SMIM23: variants seen among roughly 807,000 people sequenced by gnomAD.
SMIM23 encodes CTB-78H18.1.
Under a neutral mutation model 12.8 loss-of-function variants are expected in SMIM23, and 10 were observed. The ratio of observed to expected loss-of-function variants is 0.78; its 90% CI spans 0.48 to 1.32. The LOEUF (loss-of-function observed/expected upper bound fraction) is 1.32. Among genes scored for constraint, SMIM23 ranks in the 40% most tolerant of loss-of-function variants. SMIM23 has a pLI of 0.00. For synonymous variants in SMIM23, 78 were observed against 80.1 expected (o/e 0.97, Z 0.14); for missense variants, 184 against 198.2 (o/e 0.93, Z 0.43).
the SMIM23 span, chr5:171,773,914 G>A: frequency 2.2e-6 from 1 of 450,218 alleles, no homozygotes; most frequent in Admixed American, 2.4e-5. Flanking sequence ...CCCTGTGGTT[G>A]GAGGACTACA....
the SMIM23 span, among the ~76,000 whole-genome samples, chr5:171,776,162 T>C: frequency 6.6e-6 from 1 of 151,762 alleles, no homozygotes; most frequent in South Asian, 2.1e-4. Flanking sequence ...TGAGCCACCG[T>C]GCCTGGCCTA....
rs1286142723 is a variant in SMIM23 at position 171,791,030 on chromosome 5, G to A, written c.461G>A (p.Arg154Lys). The A allele has an allele frequency of 6.5e-7, 1 of 1,533,636 alleles. No homozygotes were observed. The highest frequency in any genetic ancestry group is 8.7e-7 in the Non-Finnish European group (1 of 1,146,206). The change falls in exon 4 of 4, where the codon AGA becomes AAA. Residue 154 changes from arginine to lysine, a missense_variant. By Grantham distance (26) the Arg-to-Lys change is conservative. Transcript: ENST00000523047. ...TGGGAGTGGGCCTGGGCCCTGGGGA[G>A]AGAGCACAAAGGTGGGGAGGGGTTG... is the stretch of plus-strand genomic sequence containing the variant. ...HLWEWAWALG[R>K]EHKGGEGLLE...
the SMIM23 span, among the ~76,000 whole-genome samples, chr5:171,776,811 A>C: frequency 6.6e-6 from 1 of 152,116 alleles, no homozygotes; most frequent in Non-Finnish European, 1.5e-5. Flanking sequence ...CCTCCAACCC[A>C]AGACCCAATT....
In SMIM23 at chr5:171,786,318, C is replaced by T. The variant is rs555895083; in HGVS notation, c.105+342C>T. ...GATAATACTCCTGAATTGGAGCGCT[C>T]CTGGAGGATTCATTCTCAGGGCTGA... On this transcript the variant is annotated intron_variant, in intron 1 of 3. Coordinates refer to ENST00000523047, the MANE Select transcript of SMIM23 (RefSeq NM_001289970.2). Among the ~76,000 whole-genome samples, 5 of 152,240 alleles carry T rather than the reference C, an allele frequency of 3.3e-5. No individual in the cohort carries two copies. The East Asian group carries it at 5.8e-4, about 18-fold the overall frequency.
the SMIM23 span, chr5:171,774,490 G>C: frequency 3.3e-5 from 15 of 456,122 alleles, no homozygotes; most frequent in Middle Eastern, 3.2e-4. Context: ...CTTGCACCTC[G>C]GATGGCCGAG....
At chr5:171,786,499 A>T (rs998126886) in intron 1 of SMIM23, among the ~76,000 whole-genome samples, 1 of 152,194 alleles carries the variant, frequency 6.6e-6, no homozygotes, top group African/African-American at 2.4e-5. Context: ...TACAACTGGG[A>T]CATATCAGGA....
chr5:171,781,500 T>G (rs1755724787), upstream of SMIM23, among the ~76,000 whole-genome samples: 1 of 151,940 alleles, frequency 6.6e-6, no homozygotes, highest in South Asian at 2.1e-4. Context: ...AAAATTCTGG[T>G]GCATCCACCA....
upstream of SMIM23, among the ~76,000 whole-genome samples, chr5:171,785,519 G>C (rs1048064616): frequency 3.3e-5 from 5 of 151,636 alleles, no homozygotes; most frequent in East Asian, 5.8e-4. Context: ...AAAGTGCTAG[G>C]GATTACAGGT....
At chr5:171,776,525 C>T in the SMIM23 span, among the ~76,000 whole-genome samples, 30 of 152,278 alleles carry the variant, frequency 2.0e-4, no homozygotes, top group Non-Finnish European at 3.8e-4. Context: ...ACATTTCACA[C>T]CCACATGCAC....
At position 171,788,916 on chromosome 5, in the gene SMIM23, T is replaced by G. The variant is rs945447460; in HGVS notation, c.106-1314T>G. On this transcript the variant is annotated intron_variant, in intron 1 of 3. Transcript: ENST00000523047. ...GTGCAGTGGCGCAATCTTGGCTCAC[T>G]GCAACCTCCGCCTCCCAGGCTCAAG... Among the ~76,000 whole-genome samples, 3 of 152,374 alleles carry G rather than the reference T, an allele frequency of 2.0e-5. No homozygotes were observed. In the East Asian group the frequency reaches 5.8e-4, roughly 29 times the overall value.
the SMIM23 span, chr5:171,774,313 T>C: frequency 2.3e-6 from 1 of 425,726 alleles, no homozygotes; most frequent in Non-Finnish European, 4.7e-6. Flanking sequence ...GCCTGTGAAA[T>C]AGACAGTAAT....
chr5:171,773,068 C>A, the SMIM23 span, among the ~76,000 whole-genome samples: 1 of 152,128 alleles, frequency 6.6e-6, no homozygotes, highest in Non-Finnish European at 1.5e-5. Context: ...AGGGGCCTGG[C>A]GTGGAGAGCT....
chr5:171,791,110 A>G lies in SMIM23; in HGVS notation c.*22A>G. ...CTGACTCTTGAAGTTCCAGTCAGGC[A>G]AGAAAATAAAGTAGTTGGGAAATGA... On this transcript the variant is annotated 3_prime_UTR_variant, in exon 4 of 4. Transcript: ENST00000523047. 1 of 1,454,828 alleles carries G rather than the reference A, an allele frequency of 6.9e-7. No individual in the cohort carries two copies. Among genetic ancestry groups the G allele is most frequent in the Non-Finnish European group, 9.0e-7 (1 of 1,110,846 alleles). The allele number at this position is 1,454,828 out of a possible 1,614,324, so 90.1% of individuals were successfully genotyped here.
the SMIM23 span, chr5:171,774,436 G>C: frequency 2.2e-6 from 1 of 456,310 alleles, no homozygotes; most frequent in Non-Finnish European, 4.4e-6. Context: ...GGTCTGCTCG[G>C]CTGCACAGCT....
the SMIM23 span, among the ~76,000 whole-genome samples, chr5:171,776,993 A>G: frequency 6.6e-6 from 1 of 151,822 alleles, no homozygotes; most frequent in African/African-American, 2.4e-5. Flanking sequence ...TCTCCAAGAC[A>G]GGCCACGACA....
At chr5:171,776,591 C>T in the SMIM23 span, among the ~76,000 whole-genome samples, 4 of 152,290 alleles carry the variant, frequency 2.6e-5, no homozygotes, top group Admixed American at 1.3e-4. Flanking sequence ...CACCAGAAGA[C>T]CACTGATAGG....
chr5:171,782,820 T>C (rs1755751938), upstream of SMIM23: 1 of 152,202 alleles, frequency 6.6e-6, no homozygotes, highest in Non-Finnish European at 1.5e-5. Flanking sequence ...AAATGCAATG[T>C]TTAGTAAGAC....
At chr5:171,780,338 C>T (rs1012947859), upstream of SMIM23, among the ~76,000 whole-genome samples, 1 of 152,046 alleles carries the variant, frequency 6.6e-6, no homozygotes, top group African/African-American at 2.4e-5. Flanking sequence ...TGTGAAGCAC[C>T]CAGTGCTGTA....
chr5:171,773,949 G>A, the SMIM23 span: 9 of 412,924 alleles, frequency 2.2e-5, no homozygotes, highest in Non-Finnish European at 4.3e-5. Flanking sequence ...CTCATGCCAG[G>A]CCTTGAATGG....
Sources: gnomAD v4.1 joint callset for allele counts (sites outside exome capture counted in the v4.1 genomes callset) on GRCh38, gnomAD v4.1.1 for gene constraint, MANE v1.5 for transcripts, NCBI Gene and HGNC (gene_info 2026-07-23, HGNC 2026-07-21) for gene names.